The following NCKAP5 variants were observed in gnomAD, a reference collection of about 807,000 sequenced individuals.
The protein encoded by NCKAP5 is nck-associated protein 5.
Under a neutral mutation model 167.0 loss-of-function variants are expected in NCKAP5, and 92 were observed. That is an observed-to-expected ratio of 0.55 (90% CI 0.47 to 0.66). The LOEUF (loss-of-function observed/expected upper bound fraction) is 0.66, where lower values mean the gene tolerates loss of function less well. Ranked by LOEUF, NCKAP5 falls within the 30% of genes least tolerant of loss-of-function variation. The pLI, the probability that NCKAP5 is intolerant of heterozygous loss-of-function variation, is 0.00. For synonymous variants in NCKAP5, 891 were observed against 877.4 expected (o/e 1.02, Z -0.27); for missense variants, 2,378 against 2,315.0 (o/e 1.03, Z -0.56).
At chr2:133,209,624 TA>T (rs1226206350) in intron 5 of NCKAP5, among the ~76,000 whole-genome samples, 2 of 151,894 alleles carry the variant, frequency 1.3e-5, no homozygotes, top group Non-Finnish European at 2.9e-5. Context: ...ATCTTCTTTT[TA>T]GAAGAAAATG....
intron 5 of NCKAP5, among the ~76,000 whole-genome samples, chr2:133,168,798 T>C (rs1206506790): frequency 6.6e-6 from 1 of 152,302 alleles, no homozygotes; most frequent in African/African-American, 2.4e-5. Context: ...ATTTGTTCTT[T>C]ATGTTAATGG....
chr2:133,598,944 C>T, the NCKAP5 span, among the ~76,000 whole-genome samples: 3 of 152,216 alleles, frequency 2.0e-5, no homozygotes, highest in East Asian at 3.9e-4. Context: ...CTTGCTATTC[C>T]CTGGCCTAGT....
intron 3 of NCKAP5, among the ~76,000 whole-genome samples, chr2:133,308,748 C>CCGGACTG (rs1039206642): frequency 1.6e-5 from 2 of 121,462 alleles, no homozygotes; most frequent in African/African-American, 6.3e-5. Flanking sequence ...GTCGCCCAGG[C>CCGGACTG]CGGACTGCGG....
At chr2:133,115,723 CAT>C (rs1252682359) in intron 6 of NCKAP5, among the ~76,000 whole-genome samples, 12 of 145,764 alleles carry the variant, frequency 8.2e-5, no homozygotes, top group African/African-American at 2.8e-4. Context: ...GACATACACA[CAT>C]GTACAAATTC....
At chr2:133,150,016 A>G (rs16857345) in intron 5 of NCKAP5, among the ~76,000 whole-genome samples, 4,606 of 152,228 alleles carry the variant, frequency 0.03, 212 homozygotes, top group African/African-American at 0.1. Context: ...TTGACAGGAA[A>G]GGTGATTACA....
chr2:133,514,197 G>A (rs531052219), intron 3 of NCKAP5, among the ~76,000 whole-genome samples: 1 of 152,208 alleles, frequency 6.6e-6, no homozygotes, highest in Admixed American at 6.5e-5. Context: ...CTTTCTCTCT[G>A]GGCCTTTAAC....
At chr2:133,384,677 C>T (rs1241042002) in intron 3 of NCKAP5, among the ~76,000 whole-genome samples, 1 of 152,172 alleles carries the variant, frequency 6.6e-6, no homozygotes, top group East Asian at 1.9e-4. Context: ...ATTGATTCTT[C>T]CTACCCATGA....
chr2:133,229,894 A>C (rs1444385998), intron 4 of NCKAP5, among the ~76,000 whole-genome samples: 1 of 152,110 alleles, frequency 6.6e-6, no homozygotes, highest in Non-Finnish European at 1.5e-5. Context: ...GCTTGAGTTC[A>C]GACTCCCAGC....
chr2:133,435,024 A>T (rs1690384085), intron 3 of NCKAP5, among the ~76,000 whole-genome samples: 1 of 152,246 alleles, frequency 6.6e-6, no homozygotes, highest in Non-Finnish European at 1.5e-5. Flanking sequence ...TAATGCAAGT[A>T]TTATTTCCTT....
intron 19 of NCKAP5, among the ~76,000 whole-genome samples, chr2:132,711,493 T>C (rs186714089): frequency 1.3e-5 from 2 of 152,232 alleles, no homozygotes; most frequent in Non-Finnish European, 2.9e-5. Flanking sequence ...TCCAACATTA[T>C]AGAAATTAAT....
chr2:133,328,312 C>T (rs1682596308), intron 3 of NCKAP5, among the ~76,000 whole-genome samples: 1 of 152,142 alleles, frequency 6.6e-6, no homozygotes, highest in African/African-American at 2.4e-5. Flanking sequence ...AGGGTTGAGG[C>T]TTGGAGCAAC....
the NCKAP5 span, among the ~76,000 whole-genome samples, chr2:133,642,945 T>C: frequency 6.6e-6 from 1 of 152,210 alleles, no homozygotes; most frequent in African/African-American, 2.4e-5. Flanking sequence ...TTTTTTTAGA[T>C]TACTTTGAGG....
At chr2:133,445,894 G>A (rs1691160892) in intron 3 of NCKAP5, among the ~76,000 whole-genome samples, 1 of 152,208 alleles carries the variant, frequency 6.6e-6, no homozygotes, top group African/African-American at 2.4e-5. Context: ...GAGATGGGTT[G>A]TATAAGACCT....
At chr2:133,589,582 G>C in the NCKAP5 span, among the ~76,000 whole-genome samples, 2 of 152,154 alleles carry the variant, frequency 1.3e-5, no homozygotes, top group African/African-American at 4.8e-5. Flanking sequence ...AAGCCATGAG[G>C]CTAGATGAGA....
intron 3 of NCKAP5, among the ~76,000 whole-genome samples, chr2:133,323,186 C>A (rs962145850): frequency 2.0e-5 from 3 of 152,234 alleles, no homozygotes; most frequent in South Asian, 4.2e-4. Flanking sequence ...TAATTGATAT[C>A]ATTTATGGAT....
At chr2:132,794,166 C>T (rs960620323) in intron 12 of NCKAP5, among the ~76,000 whole-genome samples, 9 of 145,512 alleles carry the variant, frequency 6.2e-5, no homozygotes, top group South Asian at 2.2e-4. Flanking sequence ...CCCTGACAAA[C>T]GCTGGTGCTT....
At position 133,213,708 on chromosome 2, in the gene NCKAP5, G is replaced by C; in HGVS notation, c.207+8C>G. The C allele has an allele frequency of 1.2e-6, 2 of 1,613,556 alleles. No homozygotes were observed. The highest frequency in any genetic ancestry group is 1.7e-6 in the Non-Finnish European group (2 of 1,179,716). ...TTGTGGAATGAGGGGACGGCAGTCA[G>C]GACTTACCATGGCCCCCTCACTTGT... On this transcript the variant is annotated splice_region_variant and intron_variant, in intron 5 of 19. Transcript: ENST00000409261.
At chr2:133,163,825 T>C (rs563439698) in intron 5 of NCKAP5, among the ~76,000 whole-genome samples, 1 of 152,338 alleles carries the variant, frequency 6.6e-6, no homozygotes, top group East Asian at 1.9e-4. Context: ...GTAGTAATTG[T>C]ATGAGATGAA....
chr2:133,524,725 T>C (rs1319475783), intron 2 of NCKAP5, among the ~76,000 whole-genome samples: 4 of 152,190 alleles, frequency 2.6e-5, no homozygotes, highest in Non-Finnish European at 5.9e-5. Context: ...TATTCTGATT[T>C]ATTAAGTCCA....
Sources: allele counts gnomAD v4.1 joint callset (sites outside exome capture counted in the v4.1 genomes callset), GRCh38; gene constraint gnomAD v4.1.1; transcripts MANE v1.5; gene names NCBI Gene and HGNC (gene_info 2026-07-23, HGNC 2026-07-21).